The following ARHGAP26 variants were observed in gnomAD, a reference collection of about 807,000 sequenced individuals.
The protein encoded by ARHGAP26 is Rho GTPase activating protein 26.
ARHGAP26 carries 38 observed loss-of-function variants against 104.8 expected under a neutral mutation model. The ratio of observed to expected loss-of-function variants is 0.36; its 90% CI spans 0.28 to 0.48. The LOEUF (loss-of-function observed/expected upper bound fraction) is 0.48. Among genes scored for constraint, ARHGAP26 ranks in the 20% least tolerant of loss-of-function variants. ARHGAP26 has a pLI of 0.99. For synonymous variants in ARHGAP26, 341 were observed against 340.0 expected (o/e 1.00, Z -0.03); for missense variants, 704 against 947.9 (o/e 0.74, Z 3.38).
At chr5:142,781,348 A>G (rs758587368) in intron 1 of ARHGAP26, among the ~76,000 whole-genome samples, 7 of 141,808 alleles carry the variant, frequency 4.9e-5, no homozygotes, top group African/African-American at 9.4e-5. Flanking sequence ...AGAAATTGCA[A>G]GTTTGATATG....
Position 143,107,515 on chromosome 5 carries a change from G to A in ARHGAP26, c.1539-13473G>A, listed in dbSNP as rs185044160. Among the ~76,000 whole-genome samples, 439 of 152,286 alleles carry A rather than the reference G, an allele frequency of 2.9e-3. 2 individuals are homozygous for A. The highest frequency in any genetic ancestry group is 4.4e-3 in the Non-Finnish European group (296 of 68,014). ...TTGGCCTTCTTCACCCACCTTTTCTGTTGAGCCAGGCAAAGCAAGATGACA... is the reference window on the plus strand; with the variant it reads ...TTGGCCTTCTTCACCCACCTTTTCTATTGAGCCAGGCAAAGCAAGATGACA... On this transcript the variant is annotated intron_variant, in intron 17 of 22. Coordinates refer to ENST00000645722, the MANE Select transcript of ARHGAP26 (RefSeq NM_001135608.3).
intron 17 of ARHGAP26, among the ~76,000 whole-genome samples, chr5:143,065,892 T>G (rs1787406094): frequency 1.3e-5 from 2 of 152,204 alleles, no homozygotes; most frequent in South Asian, 4.1e-4. Context: ...AAGCAATTGT[T>G]CAACAGCCTC....
intron 14 of ARHGAP26, among the ~76,000 whole-genome samples, chr5:143,047,522 A>G (rs1317716023): frequency 6.6e-6 from 1 of 152,176 alleles, no homozygotes; most frequent in Admixed American, 6.5e-5. Context: ...GGGTCAAGGT[A>G]TGTACGTGTT....
intron 1 of ARHGAP26, among the ~76,000 whole-genome samples, chr5:142,862,774 A>G (rs1224645825): frequency 2.0e-5 from 3 of 152,212 alleles, no homozygotes; most frequent in African/African-American, 4.8e-5. Context: ...ACCTCTTCCA[A>G]GAAGGTCTGG....
chr5:143,158,818 T>G (rs1800828471), intron 20 of ARHGAP26, among the ~76,000 whole-genome samples: 1 of 152,222 alleles, frequency 6.6e-6, no homozygotes, highest in Admixed American at 6.5e-5. Flanking sequence ...CTATTACCTC[T>G]TGTTGCCCTA....
chr5:142,871,706 T>C lies in ARHGAP26; in HGVS notation c.155-1694T>C, dbSNP rs1428195886. ...TGTTCTGGCTTTTGGGTGCATCTGT[T>C]TCCTTCCTGGCTTGCCTTTTGTGAT... On this transcript the variant is annotated intron_variant, in intron 1 of 22. Coordinates refer to ENST00000645722, the MANE Select transcript of ARHGAP26 (RefSeq NM_001135608.3). This position sits in a 1 kb window ranked among gnomAD's most constrained non-coding sequence, Gnocchi z 4.1. 2.0e-5 allele frequency among the ~76,000 whole-genome samples: 3 copies of C among 152,210 alleles called. No individual in the cohort carries two copies. Among genetic ancestry groups the C allele is most frequent in the Admixed American group, 6.5e-5 (1 of 15,288 alleles).
At chr5:143,057,857 G>A in intron 17 of ARHGAP26, 110 bp downstream of exon 17, 2 of 919,614 alleles carry the variant, frequency 2.2e-6, no homozygotes, top group Non-Finnish European at 3.6e-6. Flanking sequence ...TATTGCATCA[G>A]GTATGCTGGA....
intron 17 of ARHGAP26, among the ~76,000 whole-genome samples, chr5:143,074,548 A>G (rs544133427): frequency 6.6e-5 from 10 of 152,248 alleles, no homozygotes; most frequent in Non-Finnish European, 1.3e-4. Flanking sequence ...ACACATGAAC[A>G]TTATATGAAA....
intron 20 of ARHGAP26, chr5:143,147,643 C>T (rs1251050853): frequency 2.4e-6 from 1 of 409,876 alleles, no homozygotes; most frequent in Non-Finnish European, 4.3e-6. Flanking sequence ...TTGGTGATAG[C>T]TATTGCCTGT....
At chr5:142,917,424 T>C (rs1197588884) in intron 10 of ARHGAP26, among the ~76,000 whole-genome samples, 1 of 152,182 alleles carries the variant, frequency 6.6e-6, no homozygotes, top group African/African-American at 2.4e-5. Context: ...CAGTGTCCAG[T>C]TTTCAGGCTG....
chr5:142,963,187 T>TATACATATATATATATATATATACAC (rs1770636073), intron 11 of ARHGAP26, among the ~76,000 whole-genome samples: 1 of 96,202 alleles, frequency 1.0e-5, no homozygotes, highest in African/African-American at 5.7e-5. Flanking sequence ...TATATATATA[T>TATACATATATATATATATATATACAC]ATATATATAT....
Position 142,907,810 on chromosome 5 carries a change from T to G in ARHGAP26, c.933+6T>G, listed in dbSNP as rs201618961. ...AAAAGTCAGGAGGAAAAGGGGTGAG[T>G]TCATTTTTAAAATTTGATGTTTGAT... On this transcript the variant is annotated splice_donor_region_variant and intron_variant, in intron 9 of 22. Coordinates refer to ENST00000645722, the MANE Select transcript of ARHGAP26 (RefSeq NM_001135608.3). The G allele has an allele frequency of 1.3e-6, 2 of 1,597,928 alleles. No individual in the cohort carries two copies. Among genetic ancestry groups the G allele is most frequent in the African/African-American group, 2.7e-5 (2 of 74,768 alleles).
At position 143,087,244 on chromosome 5, in the gene ARHGAP26, CCT is replaced by C. The variant is rs566869455; in HGVS notation, c.1538+29498_1538+29499del. 3.7e-3 allele frequency among the ~76,000 whole-genome samples: 571 copies of C among 152,282 alleles called. 4 individuals are homozygous for C. The highest frequency in any genetic ancestry group is 5.7e-3 in the Non-Finnish European group (386 of 68,028). On this transcript the variant is annotated intron_variant, in intron 17 of 22. Coordinates refer to ENST00000645722, the MANE Select transcript of ARHGAP26 (RefSeq NM_001135608.3). ...TCAAATTAAGGTGTTGTAAGCCTCC[CCT>C]GTTTTCTCACACTGTGGGAAGCCAG...
chr5:142,879,531 A>C, intron 4 of ARHGAP26, 86 bp downstream of exon 4: 1 of 1,269,748 alleles, frequency 7.9e-7, no homozygotes, highest in Middle Eastern at 1.9e-4. Context: ...AGTCTTCAGA[A>C]ATGTCTTCAG....
At chr5:142,826,326 G>A (rs1357980278) in intron 1 of ARHGAP26, among the ~76,000 whole-genome samples, 1 of 152,130 alleles carries the variant, frequency 6.6e-6, no homozygotes, top group Non-Finnish European at 1.5e-5. Flanking sequence ...TGGAGGAGGC[G>A]CTGTACACAG....
chr5:142,917,981 A>C (rs1360644684), intron 10 of ARHGAP26, among the ~76,000 whole-genome samples: 1 of 152,066 alleles, frequency 6.6e-6, no homozygotes, highest in Non-Finnish European at 1.5e-5. Flanking sequence ...GTTAATCCTC[A>C]AATCCCTGAC....
chr5:143,176,788 G>A (rs778006084), intron 20 of ARHGAP26, among the ~76,000 whole-genome samples: 3 of 152,146 alleles, frequency 2.0e-5, no homozygotes, highest in African/African-American at 4.8e-5. Flanking sequence ...ATACTATAAT[G>A]AAAATTTCCA....
In ARHGAP26 at chr5:143,037,181, C is replaced by T. The variant is rs370431493; in HGVS notation, c.1145-15C>T. On this transcript the variant is annotated splice_polypyrimidine_tract_variant and intron_variant, in intron 12 of 22. Transcript: ENST00000645722. Reference sequence around the variant, plus strand: ...CATGGCTAGCAACTTGACTGTCCTTCTCTTGCTCTTTCAGCTGCGCAGTTG... The same window carrying T: ...CATGGCTAGCAACTTGACTGTCCTTTTCTTGCTCTTTCAGCTGCGCAGTTG... 14 of 1,595,510 alleles carry T rather than the reference C, an allele frequency of 8.8e-6. No homozygotes were observed. The highest frequency in any genetic ancestry group is 1.7e-5 in the Admixed American group (1 of 59,660).
chr5:143,184,867 A>G (rs1177414159), intron 20 of ARHGAP26, among the ~76,000 whole-genome samples: 1 of 152,172 alleles, frequency 6.6e-6, no homozygotes, highest in African/African-American at 2.4e-5. Flanking sequence ...TGGGGGTGGG[A>G]TTATAAAGGA....
Sources: gnomAD v4.1 joint callset for allele counts (sites outside exome capture counted in the v4.1 genomes callset) on GRCh38, gnomAD v4.1.1 for gene constraint, Gnocchi (gnomAD v3.1) non-coding constraint, MANE v1.5 for transcripts, NCBI Gene and HGNC (gene_info 2026-07-23, HGNC 2026-07-21) for gene names.